Variants in ITGBL1 observed in about 807,000 individuals in gnomAD.
ITGBL1 encodes integrin subunit beta like 1.
In ITGBL1, 51 loss-of-function variants were observed where a neutral mutation model predicts 68.5. That is an observed-to-expected ratio of 0.74 (90% CI 0.59 to 0.94). The LOEUF is 0.94. ITGBL1 is among the 40% of genes least tolerant of loss of function. The pLI is 0.00. For synonymous variants in ITGBL1, 209 were observed against 227.3 expected, an observed-to-expected ratio of 0.92 and a Z score of 0.72; for missense variants, 649 against 647.4, an observed-to-expected ratio of 1.00 and a Z score of -0.03.
At chr13:101,475,992 A>T (rs1205632042) in intron 2 of ITGBL1, among the ~76,000 whole-genome samples, 1 of 152,206 alleles carries the variant, frequency 6.6e-6, no homozygotes, top group Non-Finnish European at 1.5e-5. Flanking sequence ...ACAAGCAATA[A>T]GAAATTATCT....
intron 7 of ITGBL1, among the ~76,000 whole-genome samples, chr13:101,664,119 G>A (rs1318633523): frequency 1.3e-5 from 2 of 152,174 alleles, no homozygotes; most frequent in South Asian, 2.1e-4. Context: ...GTTCTGAAGA[G>A]TGTTATTTGT....
At chr13:101,556,039 C>G (rs542148416) in intron 2 of ITGBL1, among the ~76,000 whole-genome samples, 1 of 152,178 alleles carries the variant, frequency 6.6e-6, no homozygotes, top group Non-Finnish European at 1.5e-5. Flanking sequence ...ATAGTAATAG[C>G]TATGATTTGA....
intron 2 of ITGBL1, among the ~76,000 whole-genome samples, chr13:101,491,252 G>A (rs947609212): frequency 6.6e-6 from 1 of 152,120 alleles, no homozygotes; most frequent in Admixed American, 6.6e-5. Flanking sequence ...GATAGGGTTT[G>A]TCAGGGCCCA....
At chr13:101,622,108 G>A (rs1329391064) in intron 7 of ITGBL1, among the ~76,000 whole-genome samples, 3 of 152,032 alleles carry the variant, frequency 2.0e-5, no homozygotes, top group Non-Finnish European at 4.4e-5. Context: ...ACCTTTCTCC[G>A]TATCCAGAAA....
intron 4 of ITGBL1, among the ~76,000 whole-genome samples, chr13:101,578,696 G>C (rs142675147): frequency 4.6e-5 from 7 of 152,170 alleles, no homozygotes; most frequent in Admixed American, 4.6e-4. Flanking sequence ...ATTTGATTGC[G>C]TGGCCAAGGG....
intron 7 of ITGBL1, among the ~76,000 whole-genome samples, chr13:101,646,787 G>C (rs774523387): frequency 2.0e-5 from 3 of 151,904 alleles, no homozygotes; most frequent in Non-Finnish European, 2.9e-5. Flanking sequence ...AAACAAAAAG[G>C]AAAAAACTTT....
At position 101,598,800 on chromosome 13, in the gene ITGBL1, G is replaced by T. The variant is rs140599692; in HGVS notation, c.1015+501G>T. 1.9e-3 allele frequency among the ~76,000 whole-genome samples: 296 copies of T among 152,276 alleles called. 4 individuals carry two copies. In the East Asian group the frequency reaches 0.047, roughly 24 times the overall value. On this transcript the variant is annotated intron_variant, in intron 7 of 10. Transcript: ENST00000376180. The stretch of plus-strand genomic sequence containing the variant: ...TTATGGCTGCACAGTATTCCATGCT[G>T]TATATGTGCCATATTTCCTTAATCC...
In ITGBL1 at chr13:101,598,176, A is replaced by G. The variant is rs985705168; in HGVS notation, c.892A>G (p.Arg298Gly). ...AGGTCATGGACAGTGTAATTGCGGA[A>G]GATGTGACTGCAAAGCAGGCTGGTA... Reference protein sequence around the residue: ...CSGHGQCNCGRCDCKAGWYGK... With the variant: ...CSGHGQCNCGGCDCKAGWYGK... Residue 298 changes from arginine to glycine, a missense_variant, in exon 7 of 11, where the codon AGA (arginine) becomes GGA (glycine). Physicochemically the swap from Arg to Gly is moderately radical, Grantham distance 125. Transcript: ENST00000376180. 6.2e-7 allele frequency: 1 copy of G among 1,613,486 alleles called. No homozygotes were observed. The highest frequency in any genetic ancestry group is 8.5e-7 in the Non-Finnish European group (1 of 1,179,688).
chr13:101,495,394 G>A (rs755547278), intron 2 of ITGBL1, among the ~76,000 whole-genome samples: 9 of 152,034 alleles, frequency 5.9e-5, no homozygotes, highest in African/African-American at 1.7e-4. Context: ...ACAGACACAC[G>A]GTCAACCCCA....
At position 101,548,736 on chromosome 13, in the gene ITGBL1, A is replaced by G. The variant is rs576393811; in HGVS notation, c.317-18963A>G. Among the ~76,000 whole-genome samples the G allele has an allele frequency of 2.6e-5, 4 of 151,920 alleles. No individual in the cohort carries two copies. In the East Asian group the frequency reaches 7.7e-4, roughly 29 times the overall value. On this transcript the variant is annotated intron_variant, in intron 2 of 10. Coordinates refer to ENST00000376180, the MANE Select transcript of ITGBL1 (RefSeq NM_004791.3). ...AAGCAAAAGAAAACAAAATATCTGA[A>G]ACAAAAGGATTATTAGAATTAATAA...
At chr13:101,517,473 T>C (rs1330888969) in intron 2 of ITGBL1, among the ~76,000 whole-genome samples, 1 of 152,190 alleles carries the variant, frequency 6.6e-6, no homozygotes, top group Non-Finnish European at 1.5e-5. Flanking sequence ...GACCAATTAA[T>C]CAGAATGACT....
At chr13:101,515,182 T>G (rs2049175871) in intron 2 of ITGBL1, among the ~76,000 whole-genome samples, 1 of 152,142 alleles carries the variant, frequency 6.6e-6, no homozygotes, top group South Asian at 2.1e-4. Flanking sequence ...TAATTGGTGA[T>G]TCCACATTTT....
intron 2 of ITGBL1, among the ~76,000 whole-genome samples, chr13:101,565,147 A>G (rs886672840): frequency 3.9e-5 from 6 of 152,110 alleles, no homozygotes; most frequent in Non-Finnish European, 7.4e-5. Context: ...TGGAAGATTC[A>G]GGAAACTAAC....
chr13:101,457,538 A>G (rs1327244998), intron 2 of ITGBL1, among the ~76,000 whole-genome samples: 1 of 152,212 alleles, frequency 6.6e-6, no homozygotes, highest in Middle Eastern at 3.2e-3. Flanking sequence ...TGGCACATGC[A>G]TCTTCCACAG....
At chr13:101,561,360 T>C (rs2050097479) in intron 2 of ITGBL1, among the ~76,000 whole-genome samples, 1 of 152,122 alleles carries the variant, frequency 6.6e-6, no homozygotes, top group Non-Finnish European at 1.5e-5. Flanking sequence ...AGACATTTAG[T>C]ACCTGTTTCC....
chr13:101,516,096 A>T (rs1278529713), intron 2 of ITGBL1, among the ~76,000 whole-genome samples: 1 of 152,064 alleles, frequency 6.6e-6, no homozygotes, highest in Non-Finnish European at 1.5e-5. Context: ...AGAATTATTG[A>T]TTGTACTTTT....
In ITGBL1 at chr13:101,583,254, G is replaced by C. The variant is rs2050493717; in HGVS notation, c.766G>C (p.Asp256His). The C allele has an allele frequency of 6.2e-7, 1 of 1,613,676 alleles. No homozygotes were observed. Among genetic ancestry groups the C allele is most frequent in the Non-Finnish European group, 8.5e-7 (1 of 1,179,756 alleles). ...VCGECTCHDV[D>H]PTGDWGDIHG... ...TGGTGAATGTACCTGTCACGATGTT[G>C]ATCCGACTGGGGACTGGGGAGATAT... Residue 256 changes from aspartate (D) to histidine (H), a missense_variant, in exon 6 of 11, where the codon GAT becomes CAT. Coordinates refer to ENST00000376180, the MANE Select transcript of ITGBL1 (RefSeq NM_004791.3).
intron 2 of ITGBL1, among the ~76,000 whole-genome samples, chr13:101,475,309 A>G (rs955862266): frequency 2.0e-5 from 3 of 152,180 alleles, no homozygotes; most frequent in Admixed American, 2.0e-4. Context: ...AGAATGCATC[A>G]GTATCTATCA....
At chr13:101,642,140 T>C (rs1175232412) in intron 7 of ITGBL1, among the ~76,000 whole-genome samples, 2 of 151,816 alleles carry the variant, frequency 1.3e-5, no homozygotes, top group African/African-American at 2.4e-5. Flanking sequence ...ATCGCCACAC[T>C]GACTTCCACA....
Sources: gnomAD v4.1 joint callset for allele counts (sites outside exome capture counted in the v4.1 genomes callset) on GRCh38, gnomAD v4.1.1 for gene constraint, MANE v1.5 for transcripts, NCBI Gene and HGNC (gene_info 2026-07-23, HGNC 2026-07-21) for gene names.